LRRTM4: variants seen among roughly 807,000 people sequenced by gnomAD.
LRRTM4 encodes the protein leucine-rich repeat transmembrane neuronal protein 4.
A neutral mutation model predicts 47.6 loss-of-function variants in LRRTM4; 25 were observed. The observed-to-expected ratio is 0.53, with a 90% confidence interval of 0.38 to 0.73. LRRTM4 has a LOEUF of 0.73. Among genes scored for constraint, LRRTM4 ranks in the 30% least tolerant of loss-of-function variants. LRRTM4 has a pLI of 0.00. For synonymous variants in LRRTM4, 311 were observed against 269.5 expected, an observed-to-expected ratio of 1.15 and a Z score of -1.51; for missense variants, 638 against 713.4, an observed-to-expected ratio of 0.89 and a Z score of 1.20.
chr2:77,486,893 T>C (rs1677934629), intron 3 of LRRTM4, among the ~76,000 whole-genome samples: 8 of 152,220 alleles, frequency 5.3e-5, no homozygotes, highest in Admixed American at 5.2e-4. Context: ...TTTCTTCTCG[T>C]TTTAATGAAA....
chr2:77,408,482 T>G (rs1182395079), intron 3 of LRRTM4, among the ~76,000 whole-genome samples: 3 of 152,232 alleles, frequency 2.0e-5, no homozygotes, highest in Non-Finnish European at 4.4e-5. Flanking sequence ...ATCTGTTAAG[T>G]GTAGAATTTA....
intron 3 of LRRTM4, among the ~76,000 whole-genome samples, chr2:77,182,243 A>T (rs1253968803): frequency 6.6e-6 from 1 of 152,186 alleles, no homozygotes; most frequent in Non-Finnish European, 1.5e-5. Flanking sequence ...ATGCAGCCAT[A>T]AAAAGGAATG....
chr2:77,011,812 C>A (rs1425843039), intron 3 of LRRTM4, among the ~76,000 whole-genome samples: 1 of 151,956 alleles, frequency 6.6e-6, no homozygotes, highest in Non-Finnish European at 1.5e-5. Flanking sequence ...TCCCTTTACA[C>A]AGGATTTTGT....
At chr2:77,345,905 T>A (rs1481401177) in intron 3 of LRRTM4, among the ~76,000 whole-genome samples, 1 of 151,826 alleles carries the variant, frequency 6.6e-6, no homozygotes, top group African/African-American at 2.4e-5. Flanking sequence ...AGAAAACTTG[T>A]ACATGATGTT....
intron 3 of LRRTM4, among the ~76,000 whole-genome samples, chr2:76,790,579 T>C (rs1401478735): frequency 6.6e-6 from 1 of 152,156 alleles, no homozygotes; most frequent in African/African-American, 2.4e-5. Flanking sequence ...GTTTGACACA[T>C]AGTAGCACTT....
intron 3 of LRRTM4, among the ~76,000 whole-genome samples, chr2:77,270,307 G>A (rs143028542): frequency 7.1e-4 from 108 of 152,246 alleles, no homozygotes; most frequent in African/African-American, 2.5e-3. Flanking sequence ...GCCAAAGAAG[G>A]TTGTGAAATT....
chr2:77,035,220 C>A (rs1678793858), intron 3 of LRRTM4, among the ~76,000 whole-genome samples: 1 of 151,424 alleles, frequency 6.6e-6, no homozygotes, highest in Non-Finnish European at 1.5e-5. Context: ...CTTCCCCCCA[C>A]CCCGGTGTGT....
chr2:77,081,656 T>C (rs1680538602), intron 3 of LRRTM4, among the ~76,000 whole-genome samples: 1 of 152,208 alleles, frequency 6.6e-6, no homozygotes, highest in Non-Finnish European at 1.5e-5. Context: ...GGGTTCTATA[T>C]ATTTTTCTCA....
chr2:77,089,829 A>G (rs1028051931), intron 3 of LRRTM4, among the ~76,000 whole-genome samples: 1 of 152,124 alleles, frequency 6.6e-6, no homozygotes, highest in Non-Finnish European at 1.5e-5. Context: ...CCATCCTGCA[A>G]TATCTAAATA....
chr2:76,886,527 A>G (rs1242611088), intron 3 of LRRTM4, among the ~76,000 whole-genome samples: 1 of 152,102 alleles, frequency 6.6e-6, no homozygotes, highest in Non-Finnish European at 1.5e-5. Context: ...ATATGAGTTA[A>G]TATGGAAGAA....
intron 3 of LRRTM4, among the ~76,000 whole-genome samples, chr2:76,992,222 A>T (rs1174101861): frequency 6.6e-6 from 1 of 151,768 alleles, no homozygotes; most frequent in African/African-American, 2.4e-5. Flanking sequence ...TTAAGAATTG[A>T]AACAAGACAA....
At chr2:77,329,406 G>T (rs965304879) in intron 3 of LRRTM4, among the ~76,000 whole-genome samples, 1 of 152,102 alleles carries the variant, frequency 6.6e-6, no homozygotes, top group Non-Finnish European at 1.5e-5. Flanking sequence ...CAATTTATCC[G>T]TGAAGAATAC....
intron 3 of LRRTM4, among the ~76,000 whole-genome samples, chr2:77,038,032 T>G (rs1301873835): frequency 6.6e-6 from 1 of 151,626 alleles, no homozygotes; most frequent in Admixed American, 6.6e-5. Flanking sequence ...TATATAATTA[T>G]AGTAAGCAGA....
At chr2:77,002,603 G>A (rs1309828635) in intron 3 of LRRTM4, among the ~76,000 whole-genome samples, 2 of 152,198 alleles carry the variant, frequency 1.3e-5, no homozygotes, top group East Asian at 1.9e-4. Flanking sequence ...TTTCAAAAAT[G>A]TAAGCAGAAT....
intron 3 of LRRTM4, among the ~76,000 whole-genome samples, chr2:77,030,934 G>A (rs1411396535): frequency 6.6e-6 from 1 of 152,126 alleles, no homozygotes; most frequent in Non-Finnish European, 1.5e-5. Flanking sequence ...ACTTGCAACT[G>A]TCTCTCTTAA....
rs575676694 is a variant in LRRTM4 at position 77,175,344 on chromosome 2, G to C, written c.1551+342974C>G. On this transcript the variant is annotated intron_variant, in intron 3 of 3. Coordinates refer to ENST00000409884, the MANE Select transcript of LRRTM4 (RefSeq NM_001134745.3). Reference sequence around the variant, plus strand: ...GGTCTAAAACCCCTCGTGGCCTTTGGAACTCCAAGCTCTGTGCTAAAGGGT... The same window carrying C: ...GGTCTAAAACCCCTCGTGGCCTTTGCAACTCCAAGCTCTGTGCTAAAGGGT... Among the ~76,000 whole-genome samples the C allele has an allele frequency of 6.9e-4, 105 of 152,092 alleles. No homozygotes were observed. The Middle Eastern group carries it at 0.01, about 15-fold the overall frequency.
chr2:77,250,295 G>A (rs555992972), intron 3 of LRRTM4, among the ~76,000 whole-genome samples: 10 of 152,198 alleles, frequency 6.6e-5, no homozygotes, highest in South Asian at 6.2e-4. Context: ...TGAACTTTGC[G>A]TGATAATGAT....
intron 3 of LRRTM4, among the ~76,000 whole-genome samples, chr2:76,963,965 G>A (rs1214325369): frequency 6.7e-6 from 1 of 150,182 alleles, no homozygotes; most frequent in African/African-American, 2.4e-5. Context: ...ATATTTTTAT[G>A]GCCTACTGTA....
At chr2:77,369,819 G>C (rs1672596600) in intron 3 of LRRTM4, among the ~76,000 whole-genome samples, 1 of 151,610 alleles carries the variant, frequency 6.6e-6, no homozygotes, top group Non-Finnish European at 1.5e-5. Flanking sequence ...GTAGGCAATA[G>C]TAACAAATAC....
Sources: gnomAD v4.1 joint callset for allele counts (sites outside exome capture counted in the v4.1 genomes callset) on GRCh38, gnomAD v4.1.1 for gene constraint, MANE v1.5 for transcripts, NCBI Gene and HGNC (gene_info 2026-07-23, HGNC 2026-07-21) for gene names.